SLC2A12: variants seen among roughly 807,000 people sequenced by gnomAD.
SLC2A12 encodes the protein solute carrier family 2, facilitated glucose transporter member 12.
In SLC2A12, 23 loss-of-function variants were observed where a neutral mutation model predicts 41.8. The ratio of observed to expected loss-of-function variants is 0.55; its 90% confidence interval spans 0.40 to 0.78. The LOEUF is 0.78. Among genes scored for constraint, SLC2A12 ranks in the 30% least tolerant of loss-of-function variants. SLC2A12 has a pLI of 0.00. For synonymous variants in SLC2A12, 295 were observed against 285.9 expected, an observed-to-expected ratio of 1.03 and a Z score of -0.32; for missense variants, 654 against 745.6, an observed-to-expected ratio of 0.88 and a Z score of 1.43.
At position 134,024,249 on chromosome 6, in the gene SLC2A12, C is replaced by G. The variant is rs558332551; in HGVS notation, c.1444+4132G>C. 3.1e-4 allele frequency among the ~76,000 whole-genome samples: 47 copies of G among 152,326 alleles called. No individual in the cohort carries two copies. The South Asian group carries it at 5.8e-3, about 19-fold the overall frequency. ...GTGCTGCAGTTTCCTCCCATGGATT[C>G]CAGTTTGTCTACCGGATTCAGTGAG... On this transcript the variant is annotated intron_variant, in intron 2 of 4. Transcript: ENST00000275230.
rs1777108107 is a variant in SLC2A12 at position 134,026,019 on chromosome 6, G to A, written c.1444+2362C>T. Among the ~76,000 whole-genome samples the A allele has an allele frequency of 2.6e-5, 4 of 152,234 alleles. No individual in the cohort carries two copies. In the South Asian group the frequency reaches 8.3e-4, roughly 31 times the overall value. On this transcript the variant is annotated intron_variant, in intron 2 of 4. Coordinates refer to ENST00000275230, the MANE Select transcript of SLC2A12 (RefSeq NM_145176.3). ...ATGAAATTGAAAGGACTCTAACCAT[G>A]AGTAGGTTGGTTCAGGAGGCCTAAG... is the stretch of plus-strand genomic sequence containing the variant.
intron 4 of SLC2A12, among the ~76,000 whole-genome samples, chr6:133,999,937 G>A (rs1433208774): frequency 6.6e-6 from 1 of 152,178 alleles, no homozygotes; most frequent in Admixed American, 6.5e-5. Flanking sequence ...GAATCCATGA[G>A]GAATGTTGCC....
At position 134,028,463 on chromosome 6, in the gene SLC2A12, C is replaced by G. The variant is rs1439126970; in HGVS notation, c.1362G>C (p.Gly454=). The G allele has an allele frequency of 6.2e-7, 1 of 1,614,168 alleles. No homozygotes were observed. The highest frequency in any genetic ancestry group is 1.7e-5 in the Admixed American group (1 of 60,016). ...HTEYQIVTDP[G]DVPAFLKWLS... is the part of the protein sequence containing the mutation. Reference sequence around the variant, plus strand: ...GCCATTTCAAAAAAGCTGGGACGTCCCCAGGGTCTGTGACTATCTGGTATT... The same window carrying G: ...GCCATTTCAAAAAAGCTGGGACGTCGCCAGGGTCTGTGACTATCTGGTATT... Residue 454 remains glycine, a synonymous_variant, in exon 2 of 5, where the codon GGG becomes GGC. Transcript: ENST00000275230.
chr6:134,016,061 G>C (rs1368364093), intron 2 of SLC2A12, among the ~76,000 whole-genome samples: 1 of 152,112 alleles, frequency 6.6e-6, no homozygotes, highest in African/African-American at 2.4e-5. Flanking sequence ...TGGGTTGGGA[G>C]CCAGTTCTCC....
chr6:134,039,891 A>G (rs969657000), intron 1 of SLC2A12, among the ~76,000 whole-genome samples: 3 of 152,008 alleles, frequency 2.0e-5, no homozygotes, highest in Non-Finnish European at 4.4e-5. Context: ...TCCAGTTTTC[A>G]CAATGTGATG....
chr6:134,001,258 G>A (rs1305506157), intron 4 of SLC2A12, among the ~76,000 whole-genome samples: 2 of 152,072 alleles, frequency 1.3e-5, no homozygotes, highest in African/African-American at 4.8e-5. Flanking sequence ...CGCCACTAAA[G>A]AACTTACTCT....
Position 134,028,672 on chromosome 6 carries a change from A to G in SLC2A12, c.1153T>C (p.Ser385Pro). 6.2e-7 allele frequency: 1 copy of G among 1,614,138 alleles called. No homozygotes were observed. Among genetic ancestry groups the G allele is most frequent in the Non-Finnish European group, 8.5e-7 (1 of 1,180,022 alleles). Residue 385 changes from serine (S) to proline (P), a missense_variant, in exon 2 of 5, where the codon TCC becomes CCC. Physicochemically the swap from Ser to Pro is moderately conservative, Grantham distance 74. Around this residue, in one of 3 missense-constraint regions of SLC2A12, gnomAD observed 411 missense variants for 412.1 expected, o/e 1.00. Transcript: ENST00000275230. ...CCATAAATCACAGACTCATCCAAGG[A>G]CTGGTTGATAGAATTGTGGCTTCTG... ...ICRSHNSINQSLDESVIYGPG... is the reference protein window; with the variant it reads ...ICRSHNSINQPLDESVIYGPG...
rs1182572567 is a variant in SLC2A12 at position 134,006,176 on chromosome 6, G to GAA, written c.1567+634_1567+635dup. ...CCTGGGCAACAGAGAGAGACTATCGGAAAAAAAAAAAAAAAACAAAAAAAA... is the reference window on the plus strand; with the variant it reads ...CCTGGGCAACAGAGAGAGACTATCGGAAAAAAAAAAAAAAAAAACAAAAAAAA... On this transcript the variant is annotated intron_variant, in intron 3 of 4. Transcript: ENST00000275230. 6.1e-3 allele frequency among the ~76,000 whole-genome samples: 377 copies of GAA among 61,688 alleles called. 16 individuals carry two copies. Among genetic ancestry groups the GAA allele is most frequent in the African/African-American group, 0.017 (296 of 17,626 alleles). The allele number at this position is 61,688 out of a possible 152,430, so 40.5% of individuals were successfully genotyped here. A position where few individuals can be genotyped will look rare whatever the true frequency, so the allele number is the denominator to read the frequency against.
intron 2 of SLC2A12, among the ~76,000 whole-genome samples, chr6:134,007,865 G>T (rs1321980271): frequency 6.6e-6 from 1 of 152,174 alleles, no homozygotes; most frequent in Admixed American, 6.5e-5. Flanking sequence ...AGAGTTACTT[G>T]CCAAGGTCAC....
chr6:134,001,592 G>A (rs1428307647), intron 4 of SLC2A12, among the ~76,000 whole-genome samples: 1 of 152,028 alleles, frequency 6.6e-6, no homozygotes, highest in Non-Finnish European at 1.5e-5. Flanking sequence ...GTACATATTG[G>A]TTGGTCATAG....
chr6:134,043,905 T>C (rs2254235), intron 1 of SLC2A12, among the ~76,000 whole-genome samples: 88,178 of 151,900 alleles, frequency 0.58, 26,886 homozygotes, highest in African/African-American at 0.77. Context: ...TTGTGACATC[T>C]TTTGTAAGCT....
At chr6:134,017,527 T>TATAGTCTAAATTCGTTGC (rs1776977460) in intron 2 of SLC2A12, among the ~76,000 whole-genome samples, 1 of 152,180 alleles carries the variant, frequency 6.6e-6, no homozygotes, top group African/African-American at 2.4e-5. Context: ...GCACAGGATA[T>TATAGTCTAAATTCGTTGC]ATAGTCTAAA....
intron 1 of SLC2A12, among the ~76,000 whole-genome samples, chr6:134,030,514 T>A (rs1212015176): frequency 2.0e-5 from 3 of 152,164 alleles, no homozygotes; most frequent in Non-Finnish European, 4.4e-5. Context: ...AGGAAAAATG[T>A]CAAAAAGTTA....
intron 1 of SLC2A12, among the ~76,000 whole-genome samples, chr6:134,049,010 G>C (rs1773633403): frequency 6.6e-6 from 1 of 152,188 alleles, no homozygotes; most frequent in Admixed American, 6.5e-5. Flanking sequence ...CTAAACCCGG[G>C]AGAACAGCAC....
intron 3 of SLC2A12, among the ~76,000 whole-genome samples, chr6:134,004,823 T>G (rs1776792474): frequency 6.6e-6 from 1 of 152,182 alleles, no homozygotes; most frequent in African/African-American, 2.4e-5. Context: ...GTATTTCAGA[T>G]AAAAATGGAG....
intron 1 of SLC2A12, among the ~76,000 whole-genome samples, chr6:134,038,787 C>G (rs1361812276): frequency 6.9e-6 from 1 of 145,470 alleles, no homozygotes; most frequent in Non-Finnish European, 1.5e-5. Flanking sequence ...CTCACTGCAA[C>G]CTCTGTCCCT....
chr6:134,002,038 C>G lies in SLC2A12; in HGVS notation c.1659G>C (p.Lys553Asn), dbSNP rs767792114. 20 of 1,607,862 alleles carry G rather than the reference C, an allele frequency of 1.2e-5. No homozygotes were observed. In the East Asian group the frequency reaches 4.3e-4, roughly 35 times the overall value. ...TTGATATTTGTTCCAAAGAGCATCCCTTTGTCTCAGGTATAAACATAACAA... is the reference window on the plus strand; with the variant it reads ...TTGATATTTGTTCCAAAGAGCATCCGTTTGTCTCAGGTATAAACATAACAA... ...LFVVMFIPET[K>N]GCSLEQISME... is the part of the protein sequence containing the mutation. Residue 553 changes from lysine (K) to asparagine (N), a missense_variant, in exon 4 of 5, where the codon AAG (lysine) becomes AAC (asparagine). By Grantham distance (94) the Lys-to-Asn change is moderately conservative. Coordinates refer to ENST00000275230, the MANE Select transcript of SLC2A12 (RefSeq NM_145176.3).
intron 2 of SLC2A12, among the ~76,000 whole-genome samples, chr6:134,024,542 A>G (rs532037894): frequency 2.2e-4 from 33 of 152,298 alleles, no homozygotes; most frequent in African/African-American, 7.7e-4. Context: ...CAGCAGTCCT[A>G]ATTCCCTGCT....
At chr6:134,020,123 G>T (rs1378398564) in intron 2 of SLC2A12, among the ~76,000 whole-genome samples, 1 of 152,152 alleles carries the variant, frequency 6.6e-6, no homozygotes, top group Non-Finnish European at 1.5e-5. Context: ...GGGAACAGGG[G>T]ACCAGAAAGT....
Sources: gnomAD v4.1 joint callset for allele counts (sites outside exome capture counted in the v4.1 genomes callset) on GRCh38, gnomAD v4.1.1 for gene constraint, gnomAD v4.1.1 regional missense constraint, MANE v1.5 for transcripts, NCBI Gene and HGNC (gene_info 2026-07-23, HGNC 2026-07-21) for gene names.